ANGPT2: variants seen among roughly 807,000 people sequenced by gnomAD.
ANGPT2 encodes the protein angiopoietin 2, also known as angiopoietin-2.
In ANGPT2, 28 loss-of-function variants were observed where a neutral mutation model predicts 62.9. The ratio of observed to expected loss-of-function variants is 0.44; its 90% CI spans 0.33 to 0.61. The LOEUF (loss-of-function observed/expected upper bound fraction) is 0.61, where lower values mean the gene tolerates loss of function less well. ANGPT2 is among the 20% of genes least tolerant of loss of function. The pLI is 0.03. For missense variants in ANGPT2, 727 were observed against 594.9 expected (o/e 1.22, Z -2.31); for synonymous variants, 284 against 207.8 (o/e 1.37, Z -3.15).
intron 2 of ANGPT2, among the ~76,000 whole-genome samples, chr8:6,531,408 C>T (rs760499016): frequency 6.6e-6 from 1 of 151,930 alleles, no homozygotes; most frequent in Admixed American, 6.5e-5. Context: ...CCTGCCTCAG[C>T]CTCCCAAGTA....
chr8:6,553,199 G>C (rs1415599336), intron 1 of ANGPT2, among the ~76,000 whole-genome samples: 1 of 152,278 alleles, frequency 6.6e-6, no homozygotes, highest in African/African-American at 2.4e-5. Flanking sequence ...TGTGTGCCAC[G>C]GAGGGGGGAT....
chr8:6,531,138 C>T (rs1326335962), intron 2 of ANGPT2, among the ~76,000 whole-genome samples: 1 of 151,954 alleles, frequency 6.6e-6, no homozygotes, highest in East Asian at 1.9e-4. Context: ...GGAGCGTCTG[C>T]ATTTGTACTG....
chr8:6,532,274 G>A (rs1211846551), intron 2 of ANGPT2, 58 bp downstream of exon 2: 7 of 1,597,730 alleles, frequency 4.4e-6, no homozygotes, highest in South Asian at 2.3e-5. Context: ...CTCCTGACGC[G>A]ACTGAGTGCT....
intron 1 of ANGPT2, among the ~76,000 whole-genome samples, chr8:6,545,688 CTAAAAA>C (rs1477042320): frequency 1.3e-5 from 2 of 152,062 alleles, no homozygotes; most frequent in African/African-American, 4.8e-5. Context: ...TCCCATTAGT[CTAAAAA>C]TAAATAATAA....
At chr8:6,550,062 T>A (rs1379066656) in intron 1 of ANGPT2, among the ~76,000 whole-genome samples, 1 of 152,196 alleles carries the variant, frequency 6.6e-6, no homozygotes, top group African/African-American at 2.4e-5. Context: ...TCAGCACTGA[T>A]GTTGCCCACC....
rs1037121395 is a variant in ANGPT2 at position 6,500,734 on chromosome 8, C to G, written c.*2367G>C. 6.6e-6 allele frequency: 1 copy of G among 152,146 alleles called. No individual in the cohort carries two copies. The highest frequency in any genetic ancestry group is 6.5e-5 in the Admixed American group (1 of 15,280). The allele number at this position is 152,146 out of a possible 1,614,324, so 9.4% of individuals were successfully genotyped here. On this transcript the variant is annotated 3_prime_UTR_variant, in exon 9 of 9. Coordinates refer to ENST00000629816, the MANE Select transcript of ANGPT2 (RefSeq NM_001118887.2). ...TTCTTAAGGAGAGACAAAAGCTCCT[C>G]TCAGCAAAACTGTTTGTTTGAAATA...
At chr8:6,554,306 G>C (rs1475678782) in intron 1 of ANGPT2, among the ~76,000 whole-genome samples, 1 of 141,914 alleles carries the variant, frequency 7.0e-6, no homozygotes. Flanking sequence ...TTTAAAAAGA[G>C]AGAAAAAAAA....
intron 1 of ANGPT2, among the ~76,000 whole-genome samples, chr8:6,546,071 A>T (rs941041945): frequency 2.0e-5 from 3 of 152,240 alleles, no homozygotes; most frequent in Admixed American, 2.0e-4. Context: ...GTTCCTTAGG[A>T]ACTACTGGCT....
intron 1 of ANGPT2, among the ~76,000 whole-genome samples, chr8:6,556,543 G>C (rs1258839330): frequency 6.6e-6 from 1 of 152,066 alleles, no homozygotes; most frequent in African/African-American, 2.4e-5. Context: ...GCACATACTA[G>C]CTGCTGCTAC....
intron 2 of ANGPT2, among the ~76,000 whole-genome samples, chr8:6,528,673 G>A (rs1468496430): frequency 6.6e-6 from 1 of 152,264 alleles, no homozygotes; most frequent in East Asian, 1.9e-4. Flanking sequence ...CCTTCAGCAG[G>A]AAGAATCGAC....
At chr8:6,550,072 C>G (rs956702548) in intron 1 of ANGPT2, among the ~76,000 whole-genome samples, 1 of 152,152 alleles carries the variant, frequency 6.6e-6, no homozygotes, top group African/African-American at 2.4e-5. Flanking sequence ...TGTTGCCCAC[C>G]CTTTATTTCT....
At chr8:6,514,994 A>T (rs1038712528) in intron 5 of ANGPT2, among the ~76,000 whole-genome samples, 2 of 152,196 alleles carry the variant, frequency 1.3e-5, no homozygotes, top group Non-Finnish European at 2.9e-5. Flanking sequence ...CATAAACAGT[A>T]ATATAATATA....
intron 2 of ANGPT2, among the ~76,000 whole-genome samples, chr8:6,531,969 C>G (rs554668795): frequency 1.3e-5 from 2 of 152,260 alleles, no homozygotes; most frequent in East Asian, 3.9e-4. Flanking sequence ...CTTTTCATTT[C>G]TCAAATGTTC....
chr8:6,505,277 C>T (rs1435997565), intron 8 of ANGPT2, among the ~76,000 whole-genome samples: 4,729 of 27,606 alleles, frequency 0.17, 917 homozygotes, highest in East Asian at 0.37. Context: ...TATATGTATA[C>T]ATATATATGT....
chr8:6,528,177 C>T (rs1168405809), intron 2 of ANGPT2, among the ~76,000 whole-genome samples: 1 of 152,174 alleles, frequency 6.6e-6, no homozygotes, highest in African/African-American at 2.4e-5. Context: ...GATTTACAGG[C>T]ATTAGCCACT....
At position 6,509,025 on chromosome 8, in the gene ANGPT2, T is replaced by C. The variant is rs760938829; in HGVS notation, c.1234A>G (p.Ile412Val). 1 of 1,614,156 alleles carries C rather than the reference T, an allele frequency of 6.2e-7. No homozygotes were observed. Among genetic ancestry groups the C allele is most frequent in the Non-Finnish European group, 8.5e-7 (1 of 1,180,022 alleles). Residue 412 changes from isoleucine (I) to valine (V), a missense_variant, in exon 8 of 9, where the codon ATA (isoleucine) becomes GTA (valine). Physicochemically the swap from Ile to Val is conservative, Grantham distance 29. Transcript: ENST00000629816. ...LKGLTGTAGK[I>V]SSISQPGNDF... ...TTTCCTGGTTGGCTGATGCTGCTTA[T>C]TTTGCCGGCTGTCCCTGTAAGTCCT... is the stretch of plus-strand genomic sequence containing the variant.
At chr8:6,506,841 T>C (rs1435138143) in intron 8 of ANGPT2, among the ~76,000 whole-genome samples, 1 of 151,842 alleles carries the variant, frequency 6.6e-6, no homozygotes, top group Non-Finnish European at 1.5e-5. Context: ...TTTAAAGACA[T>C]GAAAATTACT....
chr8:6,514,059 A>AT (rs1815734220), intron 6 of ANGPT2, among the ~76,000 whole-genome samples: 1 of 152,192 alleles, frequency 6.6e-6, no homozygotes, highest in Non-Finnish European at 1.5e-5. Flanking sequence ...TTGTATTAGG[A>AT]TAATGAGAAC....
Position 6,499,994 on chromosome 8 carries a change from A to C in ANGPT2, c.*3107T>G, listed in dbSNP as rs149859830. 58 of 1,387,024 alleles carry C rather than the reference A, an allele frequency of 4.2e-5. No homozygotes were observed. The East Asian group carries it at 1.3e-3, about 31-fold the overall frequency. 85.9% of individuals were successfully genotyped at this position (1,387,024 alleles called of 1,614,324 possible). On this transcript the variant is annotated 3_prime_UTR_variant, in exon 9 of 9. Transcript: ENST00000629816. ...CTGTTCTCAAGAAATTATTATAAAC[A>C]TAAGGGTGGACTTAAGTTTTTATCC...
Sources: gnomAD v4.1 joint callset for allele counts (sites outside exome capture counted in the v4.1 genomes callset) on GRCh38, gnomAD v4.1.1 for gene constraint, MANE v1.5 for transcripts, NCBI Gene and HGNC (gene_info 2026-07-23, HGNC 2026-07-21) for gene names.